Variants in LOC400499 observed in about 807,000 individuals in gnomAD.
the LOC400499 span, chr16:11,478,027 C>G: frequency 5.0e-6 from 2 of 398,430 alleles, no homozygotes; most frequent in Non-Finnish European, 8.8e-6. Context: ...AAATGATAAG[C>G]GGGGGCCGGG....
chr16:11,488,471 G>C, the LOC400499 span, among the ~76,000 whole-genome samples: 2 of 152,294 alleles, frequency 1.3e-5, no homozygotes, highest in South Asian at 4.1e-4. Context: ...CCACGCTGGA[G>C]TGCAGTGGTG....
chr16:11,456,995 C>A, the LOC400499 span: 2 of 1,535,478 alleles, frequency 1.3e-6, no homozygotes, highest in Non-Finnish European at 1.7e-6. Context: ...AGTGGTAAAG[C>A]TGCACGCGGC....
the LOC400499 span, among the ~76,000 whole-genome samples, chr16:11,447,121 G>A: frequency 4.6e-5 from 7 of 152,124 alleles, no homozygotes; most frequent in Non-Finnish European, 8.8e-5. Flanking sequence ...CCAGAGAAGT[G>A]GGCATGGCTG....
chr16:11,407,379 G>A, the LOC400499 span: 1 of 397,942 alleles, frequency 2.5e-6, no homozygotes, highest in African/African-American at 2.1e-5. Context: ...ACACGATAAA[G>A]CTCCTCATCA....
chr16:11,492,342 C>A, the LOC400499 span, among the ~76,000 whole-genome samples: 1 of 144,870 alleles, frequency 6.9e-6, no homozygotes, highest in Non-Finnish European at 1.5e-5. Context: ...TCCATCCATG[C>A]AACAAATATT....
chr16:11,503,273 T>C, the LOC400499 span, among the ~76,000 whole-genome samples: 9 of 152,256 alleles, frequency 5.9e-5, no homozygotes, highest in South Asian at 1.9e-3. Context: ...TGATGGCTAA[T>C]AAAGGGCATT....
chr16:11,392,760 A>G, the LOC400499 span: 1 of 983,878 alleles, frequency 1.0e-6, no homozygotes, highest in Non-Finnish European at 1.2e-6. Flanking sequence ...TGAGACACCA[A>G]GGCAGGAGTA....
chr16:11,448,500 T>A, the LOC400499 span, among the ~76,000 whole-genome samples: 7 of 151,624 alleles, frequency 4.6e-5, no homozygotes, highest in Non-Finnish European at 8.8e-5. Flanking sequence ...GAAACAGCAA[T>A]ACCTCGTGTC....
chr16:11,496,625 C>T, the LOC400499 span, among the ~76,000 whole-genome samples: 2 of 151,996 alleles, frequency 1.3e-5, no homozygotes, highest in Non-Finnish European at 2.9e-5. Flanking sequence ...GTGGGCATCT[C>T]GTGTGTCCCA....
the LOC400499 span, chr16:11,457,222 T>C: frequency 3.4e-6 from 2 of 589,260 alleles, no homozygotes; most frequent in South Asian, 2.1e-5. Flanking sequence ...TGTGGAGAAA[T>C]CTGAATTCTC....
At chr16:11,460,637 G>T in the LOC400499 span, 1 of 1,501,404 alleles carries the variant, frequency 6.7e-7, no homozygotes, top group Non-Finnish European at 8.9e-7. Flanking sequence ...AGAGACCCCT[G>T]CCCTCCTCTG....
At chr16:11,489,621 T>C in the LOC400499 span, among the ~76,000 whole-genome samples, 1 of 152,046 alleles carries the variant, frequency 6.6e-6, no homozygotes, top group Non-Finnish European at 1.5e-5. Flanking sequence ...GAATGTGGGT[T>C]TTTAGGGATA....
the LOC400499 span, among the ~76,000 whole-genome samples, chr16:11,448,424 A>C: frequency 6.6e-6 from 1 of 152,186 alleles, no homozygotes; most frequent in African/African-American, 2.4e-5. Context: ...CATGCCTGTA[A>C]TCCCAACACT....
chr16:11,508,193 C>G, the LOC400499 span, among the ~76,000 whole-genome samples: 1 of 152,172 alleles, frequency 6.6e-6, no homozygotes, highest in African/African-American at 2.4e-5. Context: ...TCAGGGCCCT[C>G]TCTCAGAACA....
the LOC400499 span, among the ~76,000 whole-genome samples, chr16:11,388,017 G>A: frequency 6.6e-6 from 1 of 152,142 alleles, no homozygotes; most frequent in Non-Finnish European, 1.5e-5. Flanking sequence ...GAATGATCAG[G>A]GGGATGTCAG....
chr16:11,419,189 C>CA, the LOC400499 span, among the ~76,000 whole-genome samples: 29 of 130,350 alleles, frequency 2.2e-4, no homozygotes, highest in Admixed American at 3.0e-4. Flanking sequence ...ACAACAACAA[C>CA]AAAAAAAATA....
the LOC400499 span, among the ~76,000 whole-genome samples, chr16:11,382,409 C>A: frequency 2.6e-4 from 34 of 131,070 alleles, no homozygotes; most frequent in East Asian, 7.3e-3. Flanking sequence ...ACTTCTATGC[C>A]CATTTAGTGG....
the LOC400499 span, among the ~76,000 whole-genome samples, chr16:11,440,335 G>C: frequency 6.6e-6 from 1 of 152,200 alleles, no homozygotes; most frequent in Non-Finnish European, 1.5e-5. Flanking sequence ...GGGATCATGT[G>C]ATGAGAACCC....
chr16:11,461,025 G>T, the LOC400499 span: 1 of 1,536,126 alleles, frequency 6.5e-7, no homozygotes, highest in Non-Finnish European at 8.7e-7. Flanking sequence ...GCTGCAGCAG[G>T]CCAAGGGCAC....
Sources: allele counts gnomAD v4.1 joint callset (sites outside exome capture counted in the v4.1 genomes callset), GRCh38; gene constraint gnomAD v4.1.1; transcripts MANE v1.5.